ARHGAP31: variants seen among roughly 807,000 people sequenced by gnomAD.
ARHGAP31 encodes the protein Rho GTPase activating protein 31.
In ARHGAP31, 34 loss-of-function variants were observed where a neutral mutation model predicts 113.9. That is an observed-to-expected ratio of 0.30 (90% CI 0.23 to 0.40). The LOEUF is 0.40. Among genes scored for constraint, ARHGAP31 ranks in the 10% least tolerant of loss-of-function variants. ARHGAP31 has a pLI of 1.00. For missense variants in ARHGAP31, 1,548 were observed against 1,767.1 expected, an observed-to-expected ratio of 0.88 and a Z score of 2.22; for synonymous variants, 650 against 684.8, an observed-to-expected ratio of 0.95 and a Z score of 0.79.
chr3:119,402,526 T>C lies in ARHGAP31; in HGVS notation c.1645+129T>C. On this transcript the variant is annotated intron_variant, in intron 10 of 11. Coordinates refer to ENST00000264245, the MANE Select transcript of ARHGAP31 (RefSeq NM_020754.4). ...GCTCTAGAGCCCGATTGGGTACAAA[T>C]CCACGCTCTGCCATTTTACTGCGTG... 3 of 979,284 alleles carry C rather than the reference T, an allele frequency of 3.1e-6. No individual in the cohort carries two copies. In the South Asian group the frequency reaches 4.2e-5, roughly 14 times the overall value. 60.7% of individuals were successfully genotyped at this position (979,284 alleles called of 1,614,324 possible). A position where few individuals can be genotyped will look rare whatever the true frequency, so the allele number is the denominator to read the frequency against.
At position 119,329,838 on chromosome 3, in the gene ARHGAP31, C is replaced by G. The variant is rs888466485; in HGVS notation, c.100+34834C>G. On this transcript the variant is annotated intron_variant, in intron 1 of 11. Transcript: ENST00000264245. ...GCGTATTGAGAGGAGTCTGTCCGCA[C>G]TGTCCCCACCAAAGTGTTATCCAAG... 26 of 985,486 alleles carry G rather than the reference C, an allele frequency of 2.6e-5. No homozygotes were observed. In the African/African-American group the frequency reaches 4.0e-4, roughly 15 times the overall value. 61.0% of individuals were successfully genotyped at this position (985,486 alleles called of 1,614,324 possible). A position where few individuals can be genotyped will look rare whatever the true frequency, so the allele number is the denominator to read the frequency against.
At chr3:119,393,446 C>G (rs1021226950) in intron 7 of ARHGAP31, 21 bp from the exon 8 acceptor site, 6 of 1,613,780 alleles carry the variant, frequency 3.7e-6, no homozygotes, top group Non-Finnish European at 5.1e-6. Context: ...AAACTAACCC[C>G]TTATGCCTTG....
At chr3:119,354,237 T>C (rs1272603126) in intron 1 of ARHGAP31, among the ~76,000 whole-genome samples, 1 of 152,194 alleles carries the variant, frequency 6.6e-6, no homozygotes, top group African/African-American at 2.4e-5. Flanking sequence ...ACAGGGTCAC[T>C]GGAAAGGACT....
At chr3:119,380,291 C>G (rs888074184) in intron 3 of ARHGAP31, among the ~76,000 whole-genome samples, 7 of 152,158 alleles carry the variant, frequency 4.6e-5, no homozygotes, top group African/African-American at 1.7e-4. Context: ...TAGGCAGTAG[C>G]TGTTTGCACC....
chr3:119,294,938 C>G lies in ARHGAP31; in HGVS notation c.34C>G (p.Arg12Gly), dbSNP rs1010180850. The part of the protein sequence containing the change: ...KNKGAKQKLK[R>G]KGAASAFGCD... ...CAAGGGTGCTAAGCAGAAGCTGAAA[C>G]GAAAGGGAGCCGCCAGCGCGTTTGG... Residue 12 changes from arginine to glycine, a missense_variant, in exon 1 of 12, where the codon CGA (arginine) becomes GGA (glycine). Arg to Gly is a moderately radical substitution (Grantham distance 125). Coordinates refer to ENST00000264245, the MANE Select transcript of ARHGAP31 (RefSeq NM_020754.4). 1 of 1,613,964 alleles carries G rather than the reference C, an allele frequency of 6.2e-7. No homozygotes were observed. Among genetic ancestry groups the G allele is most frequent in the Admixed American group, 1.7e-5 (1 of 59,998 alleles).
At chr3:119,358,528 A>G (rs113341454) in intron 1 of ARHGAP31, among the ~76,000 whole-genome samples, 8 of 152,246 alleles carry the variant, frequency 5.3e-5, no homozygotes, top group African/African-American at 1.7e-4. Flanking sequence ...ACATATATCC[A>G]TACAAAAACT....
rs2080785076 is a variant in ARHGAP31, at chr3:119,417,039, GCT to G, written c.*776_*777del. ...TGGACTGTAATTTATAAATCCAGTAGCTACGCAGGGTGGAGGCTGGGCTGAGG... is the reference window on the plus strand; with the variant it reads ...TGGACTGTAATTTATAAATCCAGTAGACGCAGGGTGGAGGCTGGGCTGAGG... On this transcript the variant is annotated 3_prime_UTR_variant, in exon 12 of 12. Coordinates refer to ENST00000264245, the MANE Select transcript of ARHGAP31 (RefSeq NM_020754.4). The G allele has an allele frequency of 6.6e-6, 1 of 152,518 alleles. No individual in the cohort carries two copies. Among genetic ancestry groups the G allele is most frequent in the Non-Finnish European group, 1.5e-5 (1 of 68,300 alleles). The allele number at this position is 152,518 out of a possible 1,614,324, so 9.4% of individuals were successfully genotyped here. A position where few individuals can be genotyped will look rare whatever the true frequency, so the allele number is the denominator to read the frequency against.
At chr3:119,390,644 G>T (rs2080495359) in intron 6 of ARHGAP31, 141 bp from the exon 7 acceptor site, 2 of 909,056 alleles carry the variant, frequency 2.2e-6, no homozygotes, top group African/African-American at 1.6e-5. Context: ...TCAGCCCCAG[G>T]CCCCACCATG....
intron 10 of ARHGAP31, among the ~76,000 whole-genome samples, chr3:119,407,595 G>A (rs1310890757): frequency 6.6e-6 from 1 of 152,182 alleles, no homozygotes; most frequent in Admixed American, 6.5e-5. Context: ...GCTAATAAAA[G>A]TAGTTATCTA....
At chr3:119,388,112 A>T (rs1468186921) in intron 6 of ARHGAP31, among the ~76,000 whole-genome samples, 1 of 152,134 alleles carries the variant, frequency 6.6e-6, no homozygotes, top group Non-Finnish European at 1.5e-5. Flanking sequence ...GTGGCCTTCA[A>T]AGTGGGGTGC....
In ARHGAP31 at chr3:119,413,876, T is replaced by C. The variant is rs1236282842; in HGVS notation, c.1947T>C (p.Asn649=). The change falls in exon 12 of 12, where the codon AAT becomes AAC. Residue 649 remains asparagine (N), a synonymous_variant. Coordinates refer to ENST00000264245, the MANE Select transcript of ARHGAP31 (RefSeq NM_020754.4). ...LHEMDEDDLA[N]ALIWPEIQQE... ...TTCAGGATGAAGATGATCTGGCCAA[T>C]GCCCTGATCTGGCCTGAGATTCAAC... The C allele has an allele frequency of 4.3e-6, 7 of 1,614,082 alleles. 1 individual carries two copies. In the South Asian group the frequency reaches 6.6e-5, roughly 15 times the overall value.
intron 1 of ARHGAP31, among the ~76,000 whole-genome samples, chr3:119,312,684 C>G (rs79604682): frequency 1.3e-5 from 2 of 152,308 alleles, no homozygotes; most frequent in East Asian, 3.9e-4. Flanking sequence ...ATCCTTGTAG[C>G]CCCATTTGTC....
rs114434960 is a variant in ARHGAP31 at position 119,345,841 on chromosome 3, C to T, written c.101-19475C>T. Reference sequence around the variant, plus strand: ...AATGAGCTCTGTACATGACTGCAAACCAAATCTCTGGGACATAAAAAGGTG... The same window carrying T: ...AATGAGCTCTGTACATGACTGCAAATCAAATCTCTGGGACATAAAAAGGTG... On this transcript the variant is annotated intron_variant, in intron 1 of 11. Transcript: ENST00000264245. 5.2e-3 allele frequency among the ~76,000 whole-genome samples: 799 copies of T among 152,268 alleles called. 6 individuals are homozygous for T. The highest frequency in any genetic ancestry group is 0.018 in the African/African-American group (759 of 41,556).
chr3:119,313,282 T>C (rs2079698503), intron 1 of ARHGAP31, among the ~76,000 whole-genome samples: 1 of 152,252 alleles, frequency 6.6e-6, no homozygotes, highest in South Asian at 2.1e-4. Context: ...TCCAAAGATA[T>C]TTTGTGTATA....
intron 1 of ARHGAP31, among the ~76,000 whole-genome samples, chr3:119,303,786 T>TTTG (rs556192445): frequency 6.1e-4 from 92 of 151,068 alleles, no homozygotes; most frequent in Middle Eastern, 3.4e-3. Context: ...TTTCATGTTT[T>TTTG]TTGTTGTTGT....
chr3:119,374,310 G>A (rs868118486), intron 3 of ARHGAP31, among the ~76,000 whole-genome samples: 3 of 152,026 alleles, frequency 2.0e-5, no homozygotes, highest in Admixed American at 6.5e-5. Context: ...TTGCTCTCTC[G>A]TGCTCACTCT....
intron 1 of ARHGAP31, among the ~76,000 whole-genome samples, chr3:119,337,295 C>T (rs536048063): frequency 2.6e-5 from 4 of 152,234 alleles, no homozygotes; most frequent in South Asian, 4.1e-4. Flanking sequence ...AGCTGCAGAC[C>T]TTTGCGTTGA....
At chr3:119,387,843 A>T (rs2080466181) in intron 6 of ARHGAP31, among the ~76,000 whole-genome samples, 1 of 152,248 alleles carries the variant, frequency 6.6e-6, no homozygotes, top group African/African-American at 2.4e-5. Context: ...ATATATTATC[A>T]CTTCAAAGAC....
chr3:119,321,097 G>T (rs2079778863), intron 1 of ARHGAP31, among the ~76,000 whole-genome samples: 1 of 151,992 alleles, frequency 6.6e-6, no homozygotes, highest in Admixed American at 6.6e-5. Context: ...TTTATCAGCA[G>T]TGTGAAAACG....
Sources: gnomAD v4.1 joint callset for allele counts (sites outside exome capture counted in the v4.1 genomes callset) on GRCh38, gnomAD v4.1.1 for gene constraint, MANE v1.5 for transcripts, NCBI Gene and HGNC (gene_info 2026-07-23, HGNC 2026-07-21) for gene names.